PEX1: variants seen among roughly 807,000 people sequenced by gnomAD.
PEX1 encodes the protein peroxisomal biogenesis factor 1.
A neutral mutation model predicts 152.5 loss-of-function variants in PEX1; 97 were observed. That is an observed-to-expected ratio of 0.64 (90% confidence interval 0.54 to 0.75). The LOEUF (loss-of-function observed/expected upper bound fraction) is 0.75. Among genes scored for constraint, PEX1 ranks in the 30% least tolerant of loss-of-function variants. The pLI is 0.00. For synonymous variants in PEX1, 485 were observed against 531.6 expected, an observed-to-expected ratio of 0.91 and a Z score of 1.21; for missense variants, 1,357 against 1,516.3, an observed-to-expected ratio of 0.89 and a Z score of 1.74.
In PEX1 at chr7:92,511,747, CTTAACT is replaced by C. The variant is rs577963500; in HGVS notation, c.1360-50_1360-45del. On this transcript the variant is annotated intron_variant, in intron 6 of 23. Coordinates refer to ENST00000248633, the MANE Select transcript of PEX1 (RefSeq NM_000466.3). ...GTAATGAATTATCCTCATATCTGAA[CTTAACT>C]TTAACACCCTTATTTTAACATCTGA... The C allele has an allele frequency of 2.8e-4, 450 of 1,579,608 alleles. No individual in the cohort carries two copies. In the African/African-American group the frequency reaches 4.9e-3, roughly 17 times the overall value.
chr7:92,492,133 ACAAGATAAAC>A (rs1228033048), intron 20 of PEX1, among the ~76,000 whole-genome samples: 1 of 152,210 alleles, frequency 6.6e-6, no homozygotes, highest in African/African-American at 2.4e-5. Flanking sequence ...TACAGAAAGT[ACAAGATAAAC>A]CAAGAATATT....
chr7:92,501,472 G>A, intron 15 of PEX1, 35 bp downstream of exon 15: 2 of 1,563,594 alleles, frequency 1.3e-6, no homozygotes, highest in Non-Finnish European at 1.8e-6. Flanking sequence ...GTTCTTCTGG[G>A]AGTAAGTATT....
chr7:92,487,540 A>T lies in PEX1; in HGVS notation c.3769T>A (p.Tyr1257Asn). 6.7e-7 allele frequency: 1 copy of T among 1,502,448 alleles called. No individual in the cohort carries two copies. The highest frequency in any genetic ancestry group is 9.2e-7 in the Non-Finnish European group (1 of 1,082,336). 93.1% of individuals were successfully genotyped at this position (1,502,448 alleles called of 1,614,324 possible). A position where few individuals can be genotyped will look rare whatever the true frequency, so the allele number is the denominator to read the frequency against. The change falls in exon 24 of 24, where the codon TAT (tyrosine) becomes AAT (asparagine). Residue 1257 changes from tyrosine to asparagine, a missense_variant and splice_region_variant. Transcript: ENST00000248633. ...CTCTTTGGATTTTGAAAGCTTTCAT[A>T]TCTGAAAAAAGAAAGAGATAATTTA... ...EDDWKNFAEL[Y>N]ESFQNPKRRK... is the part of the protein sequence containing the mutation.
chr7:92,494,318 C>T lies in PEX1; in HGVS notation c.3005G>A (p.Cys1002Tyr), dbSNP rs749121450. ...ALLRPGRLDK[C>Y]VYCPPPDQVS... Reference sequence around the variant, plus strand: ...CTGATCAGGAGGAGGACAGTATACACATTTATCTAGTCGACCAGGCCTAAG... The same window carrying T: ...CTGATCAGGAGGAGGACAGTATACATATTTATCTAGTCGACCAGGCCTAAG... The change falls in exon 19 of 24, where the codon TGT becomes TAT. Residue 1002 changes from cysteine (C) to tyrosine (Y), a missense_variant. By Grantham distance (194) the Cys-to-Tyr change is radical (BLOSUM62 -2). Transcript: ENST00000248633. The T allele has an allele frequency of 6.2e-7, 1 of 1,613,662 alleles. No individual in the cohort carries two copies. The highest frequency in any genetic ancestry group is 1.3e-5 in the African/African-American group (1 of 74,894).
At chr7:92,490,975 T>C (rs1205041137) in intron 21 of PEX1, among the ~76,000 whole-genome samples, 1 of 152,234 alleles carries the variant, frequency 6.6e-6, no homozygotes, top group Non-Finnish European at 1.5e-5. Context: ...AAGTTTACTA[T>C]AAAATGGAAC....
chr7:92,492,817 A>C (rs896272227), intron 20 of PEX1, 136 bp downstream of exon 20: 1 of 739,578 alleles, frequency 1.4e-6, no homozygotes, highest in East Asian at 2.5e-5. Flanking sequence ...GGAACATTCA[A>C]CTAAAGGTAA....
At chr7:92,492,361 TAC>T (rs1032791203) in intron 20 of PEX1, among the ~76,000 whole-genome samples, 17 of 152,176 alleles carry the variant, frequency 1.1e-4, no homozygotes, top group Non-Finnish European at 1.8e-4. Context: ...CCATAGTGGG[TAC>T]AGTTTGTGCA....
At chr7:92,503,291 C>A (rs1792024677) in intron 12 of PEX1, 96 bp from the exon 13 acceptor site, 2 of 1,059,032 alleles carry the variant, frequency 1.9e-6, no homozygotes, top group Non-Finnish European at 2.8e-6. Flanking sequence ...CTAAGGTTGA[C>A]CTTTAAGGTG....
At chr7:92,519,701 G>A (rs1356737989) in intron 2 of PEX1, among the ~76,000 whole-genome samples, 2 of 152,174 alleles carry the variant, frequency 1.3e-5, no homozygotes, top group East Asian at 3.9e-4. Flanking sequence ...AATAGACACT[G>A]GAGACAAATA....
intron 1 of PEX1, among the ~76,000 whole-genome samples, chr7:92,527,722 A>T (rs2116293976): frequency 6.6e-6 from 1 of 152,338 alleles, no homozygotes; most frequent in Non-Finnish European, 1.5e-5. Flanking sequence ...GAAACATCCT[A>T]ACCACAACGT....
intron 1 of PEX1, among the ~76,000 whole-genome samples, chr7:92,523,323 G>T (rs957246773): frequency 1.3e-5 from 2 of 151,376 alleles, no homozygotes; most frequent in African/African-American, 4.9e-5. Flanking sequence ...AAGCATTTTC[G>T]AACTTTTTTT....
At chr7:92,502,136 A>C in intron 13 of PEX1, 57 bp from the exon 14 acceptor site, 1 of 1,229,302 alleles carries the variant, frequency 8.1e-7, no homozygotes. Flanking sequence ...TATATTTTTG[A>C]ATGTATATTT....
chr7:92,518,379 A>G (rs1792903030), intron 3 of PEX1, 124 bp from the exon 4 acceptor site: 8 of 693,570 alleles, frequency 1.2e-5, no homozygotes, highest in Admixed American at 2.1e-5. Flanking sequence ...TATACACGAC[A>G]TGGTGTTATG....
intron 1 of PEX1, among the ~76,000 whole-genome samples, chr7:92,522,472 A>C (rs566509849): frequency 6.6e-6 from 1 of 152,362 alleles, no homozygotes; most frequent in East Asian, 1.9e-4. Flanking sequence ...CAGCATTATA[A>C]ATTTAATCAA....
Position 92,494,044 on chromosome 7 carries a change from T to G in PEX1, c.3030+249A>C, listed in dbSNP as rs1283048888. On this transcript the variant is annotated intron_variant, in intron 19 of 23. Coordinates refer to ENST00000248633, the MANE Select transcript of PEX1 (RefSeq NM_000466.3). The stretch of plus-strand genomic sequence containing the variant: ...AATGTGAAAATATAATACATTAGGT[T>G]TCTTGCATTTTTTTTTCCCCAATCA... 1.1e-5 allele frequency: 5 copies of G among 456,314 alleles called. No individual in the cohort carries two copies. In the East Asian group the frequency reaches 2.1e-4, roughly 20 times the overall value. The allele number at this position is 456,314 out of a possible 1,614,324, so 28.3% of individuals were successfully genotyped here. A position where few individuals can be genotyped will look rare whatever the true frequency, so the allele number is the denominator to read the frequency against.
chr7:92,491,708 A>G (rs1172271981), intron 20 of PEX1: 1 of 526,700 alleles, frequency 1.9e-6, no homozygotes, highest in African/African-American at 1.9e-5. Flanking sequence ...ATGTGTAGAT[A>G]ATTTACCAAC....
chr7:92,487,385 T>C lies in PEX1; in HGVS notation c.*72A>G. Reference sequence around the variant, plus strand: ...ATTAAGAAGAAATTCATAGACACCATTTTTTTCCTGTTACAACATATGGAA... The same window carrying C: ...ATTAAGAAGAAATTCATAGACACCACTTTTTTCCTGTTACAACATATGGAA... On this transcript the variant is annotated 3_prime_UTR_variant, in exon 24 of 24. Coordinates refer to ENST00000248633, the MANE Select transcript of PEX1 (RefSeq NM_000466.3). The C allele has an allele frequency of 1.3e-6, 1 of 786,482 alleles. No homozygotes were observed. Among genetic ancestry groups the C allele is most frequent in the Non-Finnish European group, 2.2e-6 (1 of 464,326 alleles). The allele number at this position is 786,482 out of a possible 1,614,324, so 48.7% of individuals were successfully genotyped here.
Position 92,504,750 on chromosome 7 carries a change from T to A in PEX1, c.2053A>T (p.Ser685Cys). 1 of 1,614,168 alleles carries A rather than the reference T, an allele frequency of 6.2e-7. No individual in the cohort carries two copies. Among genetic ancestry groups the A allele is most frequent in the Non-Finnish European group, 8.5e-7 (1 of 1,180,018 alleles). Residue 685 changes from serine (S) to cysteine (C), a missense_variant, in exon 12 of 24, where the codon AGC becomes TGC. Physicochemically the swap from Ser to Cys is moderately radical, Grantham distance 112. Coordinates refer to ENST00000248633, the MANE Select transcript of PEX1 (RefSeq NM_000466.3). Reference protein sequence around the residue: ...EHEHSPDAVQSQRLAHALNDM... With the variant: ...EHEHSPDAVQCQRLAHALNDM... ...CATTTACCATGAGCAAGCCGCTGGC[T>A]CTGCACCGCATCAGGACTGTGCTCA...
In PEX1 at chr7:92,501,993, A is replaced by G. The variant is rs763463570; in HGVS notation, c.2313T>C (p.His771=). ...INKFTDLDLQ[H]VAKETGGFVA... ...CAAACCCGCCAGTTTCTTTAGCTAC[A>G]TGCTGCAGGTCAAGATCGGTGAACT... Residue 771 remains histidine (H), a synonymous_variant, in exon 14 of 24, where the codon CAT becomes CAC. Transcript: ENST00000248633. The G allele has an allele frequency of 2.5e-6, 4 of 1,613,558 alleles. No individual in the cohort carries two copies. Among genetic ancestry groups the G allele is most frequent in the South Asian group, 1.1e-5 (1 of 91,066 alleles).
Sources: allele counts gnomAD v4.1 joint callset (sites outside exome capture counted in the v4.1 genomes callset), GRCh38; gene constraint gnomAD v4.1.1; transcripts MANE v1.5; gene names NCBI Gene and HGNC (gene_info 2026-07-23, HGNC 2026-07-21).